Variants in IL1RAPL1 observed in about 807,000 individuals in gnomAD.
The protein encoded by IL1RAPL1 is interleukin 1 receptor accessory protein like 1.
IL1RAPL1 carries 3 observed loss-of-function variants against 48.4 expected under a neutral mutation model. The observed-to-expected ratio is 0.06, with a 90% CI of 0.03 to 0.16. The LOEUF is 0.16. Among genes scored for constraint, IL1RAPL1 ranks in the 10% least tolerant of loss-of-function variants. The pLI is 1.00. For missense variants in IL1RAPL1, 349 were observed against 530.6 expected (o/e 0.66, Z 3.36); for synonymous variants, 185 against 187.7 (o/e 0.99, Z 0.12).
intron 2 of IL1RAPL1, among the ~76,000 whole-genome samples, chrX:28,958,430 A>G (rs920973856): frequency 2.7e-5 from 3 of 111,365 alleles, no homozygotes; most frequent in African/African-American, 9.8e-5. Context: ...GCCTGAATGT[A>G]TGTAAATTTG....
chrX:29,182,738 A>G (rs1930171789), intron 2 of IL1RAPL1, among the ~76,000 whole-genome samples: 1 of 111,673 alleles, frequency 9.0e-6, no homozygotes, highest in Admixed American at 9.6e-5. Flanking sequence ...AGACATTCAT[A>G]TCCTGATTTT....
At chrX:28,857,192 G>A (rs371664425) in intron 2 of IL1RAPL1, among the ~76,000 whole-genome samples, 1 of 112,141 alleles carries the variant, frequency 8.9e-6, no homozygotes, top group African/African-American at 3.2e-5. Flanking sequence ...CAGAAGAAAA[G>A]TATAAAGGTA....
chrX:29,663,042 A>G (rs1925895013), intron 5 of IL1RAPL1, among the ~76,000 whole-genome samples: 1 of 112,367 alleles, frequency 8.9e-6, no homozygotes, highest in African/African-American at 3.2e-5. Context: ...TGCAAGGACC[A>G]TGAGATTGTG....
At position 29,905,525 on chromosome X, in the gene IL1RAPL1, G is replaced by A. The variant is rs754173359; in HGVS notation, c.779-11939G>A. Among the ~76,000 whole-genome samples the A allele has an allele frequency of 1.9e-3, 214 of 110,309 alleles. 1 individual carries two copies. The highest frequency in any genetic ancestry group is 6.1e-3 in the African/African-American group (185 of 30,228). The stretch of plus-strand genomic sequence containing the variant: ...TAACATTTAAGTCTTTCTTTAATCC[G>A]TCTTGAGTTGATTTTTGTATAAAGG... On this transcript the variant is annotated intron_variant, in intron 6 of 10. Transcript: ENST00000378993.
intron 2 of IL1RAPL1, among the ~76,000 whole-genome samples, chrX:28,947,693 T>C (rs1924344605): frequency 8.9e-6 from 1 of 111,748 alleles, no homozygotes; most frequent in South Asian, 3.7e-4. Context: ...ACATGTACCT[T>C]AGAACTTAAA....
intron 3 of IL1RAPL1, among the ~76,000 whole-genome samples, chrX:29,353,375 G>C (rs997864411): frequency 3.6e-5 from 4 of 111,233 alleles, no homozygotes; most frequent in African/African-American, 1.3e-4. Flanking sequence ...TATTAATCTT[G>C]GGGAATTTTA....
intron 2 of IL1RAPL1, among the ~76,000 whole-genome samples, chrX:28,872,220 A>G (rs58826666): frequency 0.072 from 7,866 of 109,997 alleles, 545 homozygotes; most frequent in East Asian, 0.24. Flanking sequence ...GAATGTCCCT[A>G]TGTTGCCCAG....
chrX:29,502,607 C>T (rs1244907105), intron 5 of IL1RAPL1, among the ~76,000 whole-genome samples: 3 of 110,729 alleles, frequency 2.7e-5, no homozygotes, highest in South Asian at 3.7e-4. Flanking sequence ...GTCCTTGTAT[C>T]GTATTTATTG....
intron 1 of IL1RAPL1, among the ~76,000 whole-genome samples, chrX:28,713,220 A>AT (rs1288902927): frequency 2.8e-5 from 3 of 107,924 alleles, no homozygotes; most frequent in Admixed American, 2.0e-4. Context: ...TGCCCAGCTA[A>AT]TTTTTTTTTG....
At chrX:29,176,085 C>CTTTTTTTT (rs752040172) in intron 2 of IL1RAPL1, among the ~76,000 whole-genome samples, 10 of 75,747 alleles carry the variant, frequency 1.3e-4, no homozygotes, top group Non-Finnish European at 2.3e-4. Context: ...TGGTAATTTG[C>CTTTTTTTT]TTTTTTTTTT....
chrX:29,879,395 GTA>G (rs1159189468), intron 6 of IL1RAPL1, among the ~76,000 whole-genome samples: 1,309 of 86,777 alleles, frequency 0.015, 19 homozygotes, highest in African/African-American at 0.043. Flanking sequence ...GTGTGTGTGT[GTA>G]TATATATATA....
intron 2 of IL1RAPL1, among the ~76,000 whole-genome samples, chrX:29,007,291 A>C (rs1926007470): frequency 8.9e-6 from 1 of 112,085 alleles, no homozygotes; most frequent in Non-Finnish European, 1.9e-5. Context: ...TACACGTTAT[A>C]TATGAAAACT....
chrX:29,127,405 C>T lies in IL1RAPL1; in HGVS notation c.83-155533C>T, dbSNP rs533720073. Among the ~76,000 whole-genome samples the T allele has an allele frequency of 8.9e-5, 10 of 111,853 alleles. No homozygotes were observed. The South Asian group carries it at 3.8e-3, about 42-fold the overall frequency. The stretch of plus-strand genomic sequence containing the variant: ...TGATGCTGCTGGTCCAGGGACCACA[C>T]TTTGAGAATCCCTGCTCTTGTAAAT... On this transcript the variant is annotated intron_variant, in intron 2 of 10. Transcript: ENST00000378993.
intron 2 of IL1RAPL1, among the ~76,000 whole-genome samples, chrX:28,932,707 T>G (rs986628097): frequency 9.1e-6 from 1 of 109,503 alleles, no homozygotes; most frequent in African/African-American, 3.3e-5. Context: ...CTTTACACTT[T>G]TTTTTTTTTA....
chrX:29,439,990 CGTGTGTGTGT>C (rs60967823), intron 5 of IL1RAPL1, among the ~76,000 whole-genome samples: 108 of 96,611 alleles, frequency 1.1e-3, no homozygotes, highest in Middle Eastern at 5.3e-3. Flanking sequence ...CAATTTGACA[CGTGTGTGTGT>C]GTGTGTGTGT....
At chrX:29,293,340 A>G (rs1308212784) in intron 3 of IL1RAPL1, among the ~76,000 whole-genome samples, 1 of 108,000 alleles carries the variant, frequency 9.3e-6, no homozygotes, top group African/African-American at 3.4e-5. Flanking sequence ...ATCATGGGGT[A>G]GTTTCTTAGA....
intron 3 of IL1RAPL1, among the ~76,000 whole-genome samples, chrX:29,372,864 C>T (rs1356136648): frequency 1.0e-5 from 1 of 98,526 alleles, no homozygotes; most frequent in Non-Finnish European, 2.0e-5. Context: ...AGTGTGATGA[C>T]TCTGGCTTTG....
intron 2 of IL1RAPL1, among the ~76,000 whole-genome samples, chrX:28,959,520 A>T (rs1924710934): frequency 8.9e-6 from 1 of 112,107 alleles, no homozygotes; most frequent in African/African-American, 3.2e-5. Flanking sequence ...TAGGTGAAAA[A>T]TAGTAATGTA....
intron 3 of IL1RAPL1, among the ~76,000 whole-genome samples, chrX:29,306,472 C>T (rs1363668192): frequency 2.5e-5 from 2 of 80,643 alleles, no homozygotes; most frequent in African/African-American, 1.0e-4. Flanking sequence ...GAGGTTGCAG[C>T]AAGCCAAGAT....
Sources: gnomAD v4.1 joint callset for allele counts (sites outside exome capture counted in the v4.1 genomes callset) on GRCh38, gnomAD v4.1.1 for gene constraint, MANE v1.5 for transcripts, NCBI Gene and HGNC (gene_info 2026-07-23, HGNC 2026-07-21) for gene names.